CNTN4: variants seen among roughly 807,000 people sequenced by gnomAD.
CNTN4 encodes contactin 4.
A neutral mutation model predicts 122.5 loss-of-function variants in CNTN4; 77 were observed. The observed-to-expected ratio is 0.63, with a 90% CI of 0.52 to 0.76. The LOEUF is 0.76. Ranked by LOEUF, CNTN4 falls within the 30% of genes least tolerant of loss-of-function variation. CNTN4 has a pLI of 0.00. For synonymous variants in CNTN4, 512 were observed against 447.0 expected (o/e 1.15, Z -1.83); for missense variants, 1,256 against 1,259.1 (o/e 1.00, Z 0.04).
intron 2 of CNTN4, among the ~76,000 whole-genome samples, chr3:2,324,662 C>T (rs2043391385): frequency 6.6e-6 from 1 of 152,030 alleles, no homozygotes; most frequent in African/African-American, 2.4e-5. Flanking sequence ...CCTGAGCCTA[C>T]CCCAAAAGGT....
At chr3:2,663,326 AG>A (rs2083996444) in intron 4 of CNTN4, among the ~76,000 whole-genome samples, 1 of 152,220 alleles carries the variant, frequency 6.6e-6, no homozygotes, top group Non-Finnish European at 1.5e-5. Context: ...GATGGATTCA[AG>A]AAGTACTGTA....
chr3:3,008,176 A>T (rs190069195), intron 14 of CNTN4, among the ~76,000 whole-genome samples: 34 of 152,270 alleles, frequency 2.2e-4, no homozygotes, highest in African/African-American at 7.9e-4. Flanking sequence ...ATTTTATATC[A>T]AGTTTAGACA....
At chr3:2,591,906 C>T (rs954687298) in intron 4 of CNTN4, among the ~76,000 whole-genome samples, 1 of 151,952 alleles carries the variant, frequency 6.6e-6, no homozygotes, top group South Asian at 2.1e-4. Context: ...GAGGCAGGGT[C>T]TCGTTCTGTG....
rs563921804 is a variant in CNTN4, at chr3:2,705,816, A to C, written c.56-30399A>C. On this transcript the variant is annotated intron_variant, in intron 4 of 24. Transcript: ENST00000418658. Reference sequence around the variant, plus strand: ...TATATTTGTTATATATAATATATATAATATATAATAAATATATATAATATA... The same window carrying C: ...TATATTTGTTATATATAATATATATCATATATAATAAATATATATAATATA... 8.0e-3 allele frequency among the ~76,000 whole-genome samples: 853 copies of C among 106,930 alleles called. 9 individuals carry two copies. Among genetic ancestry groups the C allele is most frequent in the African/African-American group, 0.025 (651 of 25,742 alleles). The allele number at this position is 106,930 out of a possible 152,430, so 70.2% of individuals were successfully genotyped here.
At chr3:2,668,061 T>A (rs1333228391) in intron 4 of CNTN4, among the ~76,000 whole-genome samples, 4 of 152,156 alleles carry the variant, frequency 2.6e-5, no homozygotes, top group Non-Finnish European at 1.5e-5. Flanking sequence ...CTCAGGATTG[T>A]CTTGGCGATG....
At chr3:2,406,573 G>T (rs2047044976) in intron 3 of CNTN4, among the ~76,000 whole-genome samples, 1 of 152,148 alleles carries the variant, frequency 6.6e-6, no homozygotes, top group East Asian at 1.9e-4. Context: ...AGAGTGTATG[G>T]GAATTCTCTG....
chr3:2,406,392 C>T (rs1279611876), intron 3 of CNTN4, among the ~76,000 whole-genome samples: 2 of 152,188 alleles, frequency 1.3e-5, no homozygotes, highest in African/African-American at 4.8e-5. Context: ...ACATGAAGGA[C>T]ACTCTATAAA....
chr3:2,369,953 C>G (rs1199810897), intron 3 of CNTN4, among the ~76,000 whole-genome samples: 1 of 151,996 alleles, frequency 6.6e-6, no homozygotes, highest in Non-Finnish European at 1.5e-5. Context: ...ACACAATTGT[C>G]CATATTGATA....
chr3:2,556,720 G>A (rs930523539), intron 3 of CNTN4, among the ~76,000 whole-genome samples: 1 of 151,784 alleles, frequency 6.6e-6, no homozygotes, highest in African/African-American at 2.4e-5. Flanking sequence ...TATATTATTT[G>A]GAAGTGTGAT....
chr3:2,616,597 A>G (rs2081750567), intron 4 of CNTN4, among the ~76,000 whole-genome samples: 1 of 152,204 alleles, frequency 6.6e-6, no homozygotes, highest in African/African-American at 2.4e-5. Context: ...TTCCACCAAC[A>G]GTATAAAAGC....
chr3:2,685,757 G>A lies in CNTN4; in HGVS notation c.56-50458G>A, dbSNP rs142960453. On this transcript the variant is annotated intron_variant, in intron 4 of 24. Coordinates refer to ENST00000418658, the MANE Select transcript of CNTN4 (RefSeq NM_175607.3). ...TTTTTCCTTGCTAGATTAAAGCCTTGCTTTCCCTTTGTTATTTAAATCACA... is the reference window on the plus strand; with the variant it reads ...TTTTTCCTTGCTAGATTAAAGCCTTACTTTCCCTTTGTTATTTAAATCACA... Among the ~76,000 whole-genome samples, 4 of 152,144 alleles carry A rather than the reference G, an allele frequency of 2.6e-5. No individual in the cohort carries two copies. The East Asian group carries it at 7.7e-4, about 29-fold the overall frequency.
chr3:2,453,132 T>C (rs1171696337), intron 3 of CNTN4, among the ~76,000 whole-genome samples: 7 of 152,070 alleles, frequency 4.6e-5, no homozygotes, highest in African/African-American at 1.7e-4. Flanking sequence ...GTGACCTAAT[T>C]TGTGGAACAA....
At chr3:2,440,034 A>G (rs1163115473) in intron 3 of CNTN4, among the ~76,000 whole-genome samples, 2 of 152,250 alleles carry the variant, frequency 1.3e-5, no homozygotes, top group African/African-American at 4.8e-5. Context: ...GGAACTGCAC[A>G]GAAGTGTTAC....
chr3:2,102,043 G>A (rs1029529331), intron 2 of CNTN4, among the ~76,000 whole-genome samples: 6 of 152,186 alleles, frequency 3.9e-5, no homozygotes, highest in African/African-American at 1.4e-4. Flanking sequence ...TATGTGGATA[G>A]AATGAGGTGT....
chr3:2,969,371 A>G (rs539556441), intron 13 of CNTN4, among the ~76,000 whole-genome samples: 2 of 152,166 alleles, frequency 1.3e-5, no homozygotes, highest in South Asian at 4.1e-4. Flanking sequence ...TCCTGAACCA[A>G]TCGCTTTAAC....
intron 6 of CNTN4, among the ~76,000 whole-genome samples, chr3:2,783,880 A>T (rs1396225890): frequency 6.6e-6 from 1 of 152,224 alleles, no homozygotes; most frequent in African/African-American, 2.4e-5. Flanking sequence ...TAGTTAGTTG[A>T]ACCCTATAAT....
chr3:2,281,082 G>A (rs1161724678), intron 2 of CNTN4, among the ~76,000 whole-genome samples: 2 of 152,200 alleles, frequency 1.3e-5, no homozygotes, highest in African/African-American at 4.8e-5. Context: ...AACAAGCAAA[G>A]TTACACAAGT....
chr3:2,302,658 C>T (rs1255696055), intron 2 of CNTN4, among the ~76,000 whole-genome samples: 4 of 152,160 alleles, frequency 2.6e-5, no homozygotes, highest in Non-Finnish European at 5.9e-5. Flanking sequence ...ACCTAGGATT[C>T]CTCCACCTCC....
At chr3:2,987,901 C>T (rs1470678151) in intron 13 of CNTN4, among the ~76,000 whole-genome samples, 1 of 151,876 alleles carries the variant, frequency 6.6e-6, no homozygotes, top group East Asian at 1.9e-4. Context: ...TTAATAATAC[C>T]TCATTTAATT....
Sources: gnomAD v4.1 joint callset for allele counts (sites outside exome capture counted in the v4.1 genomes callset) on GRCh38, gnomAD v4.1.1 for gene constraint, MANE v1.5 for transcripts, NCBI Gene and HGNC (gene_info 2026-07-23, HGNC 2026-07-21) for gene names.